The following FOXP2 variants were observed in gnomAD, a reference collection of about 807,000 sequenced individuals.
FOXP2 encodes the protein forkhead box protein P2.
In FOXP2, 12 loss-of-function variants were observed where a neutral mutation model predicts 115.8. The observed-to-expected ratio is 0.10, with a 90% CI of 0.07 to 0.17. FOXP2 has a LOEUF of 0.17. Ranked by LOEUF, FOXP2 falls within the 10% of genes least tolerant of loss-of-function variation. The pLI is 1.00. For missense variants in FOXP2, 629 were observed against 843.5 expected, an observed-to-expected ratio of 0.75 and a Z score of 3.15; for synonymous variants, 328 against 297.7, an observed-to-expected ratio of 1.10 and a Z score of -1.05.
intron 3 of FOXP2, among the ~76,000 whole-genome samples, chr7:114,614,330 T>G (rs1378112727): frequency 2.6e-5 from 4 of 152,220 alleles, no homozygotes; most frequent in Non-Finnish European, 5.9e-5. Context: ...GTAAAAGAGA[T>G]ATTTTCTACC....
At chr7:114,524,394 G>T (rs1405362359) in intron 2 of FOXP2, among the ~76,000 whole-genome samples, 3 of 152,076 alleles carry the variant, frequency 2.0e-5, no homozygotes, top group African/African-American at 7.2e-5. Flanking sequence ...CTCAGAATTT[G>T]TTTTGTTCTC....
chr7:114,662,739 T>A (rs1489145710), intron 14 of FOXP2, among the ~76,000 whole-genome samples: 1 of 152,120 alleles, frequency 6.6e-6, no homozygotes, highest in Non-Finnish European at 1.5e-5. Flanking sequence ...ATGACCAAGG[T>A]ATACTAGTGT....
intron 1 of FOXP2, among the ~76,000 whole-genome samples, chr7:114,240,915 T>C (rs2129167548): frequency 6.6e-6 from 1 of 152,188 alleles, no homozygotes; most frequent in East Asian, 1.9e-4. Context: ...ATATTTAAGA[T>C]GCTTATAGGT....
intron 9 of FOXP2, chr7:114,653,411 G>C: frequency 5.9e-6 from 1 of 170,674 alleles, no homozygotes; most frequent in Non-Finnish European, 1.3e-5. Flanking sequence ...GCAGAGTTCA[G>C]CGTTTCACAC....
chr7:114,527,367 T>C (rs1422683713), intron 2 of FOXP2, among the ~76,000 whole-genome samples: 2 of 152,098 alleles, frequency 1.3e-5, no homozygotes, highest in Admixed American at 6.6e-5. Context: ...TGTTTAACCT[T>C]TTCCAGAAAT....
At chr7:114,393,455 C>T (rs533330435) in intron 2 of FOXP2, among the ~76,000 whole-genome samples, 40 of 152,190 alleles carry the variant, frequency 2.6e-4, no homozygotes, top group African/African-American at 9.4e-4. Flanking sequence ...AGATGTCTTA[C>T]ACATAATGTC....
intron 1 of FOXP2, among the ~76,000 whole-genome samples, chr7:114,123,426 G>T (rs966698682): frequency 1.3e-5 from 2 of 151,274 alleles, no homozygotes; most frequent in Non-Finnish European, 2.9e-5. Flanking sequence ...GCCACTTTTT[G>T]TGTGGTCAAC....
intron 1 of FOXP2, chr7:114,163,180 G>C (rs1191781369): frequency 6.6e-6 from 1 of 151,376 alleles, no homozygotes; most frequent in Non-Finnish European, 1.5e-5. Flanking sequence ...ATATTGTTTG[G>C]ATTTTTTCCT....
intron 10 of FOXP2, chr7:114,656,457 A>G: frequency 2.2e-6 from 1 of 449,236 alleles, no homozygotes; most frequent in Non-Finnish European, 4.5e-6. Flanking sequence ...GCAAAGTCAC[A>G]TACAGATGCA....
intron 2 of FOXP2, among the ~76,000 whole-genome samples, chr7:114,323,789 T>G (rs956639774): frequency 2.0e-5 from 3 of 151,992 alleles, no homozygotes; most frequent in African/African-American, 7.2e-5. Flanking sequence ...CTTATACTGT[T>G]GTTATTTTTA....
intron 1 of FOXP2, among the ~76,000 whole-genome samples, chr7:114,186,360 C>T (rs892831729): frequency 1.3e-5 from 2 of 152,064 alleles, no homozygotes; most frequent in African/African-American, 4.8e-5. Flanking sequence ...TAATATTTCT[C>T]CCTATTTCAA....
intron 2 of FOXP2, among the ~76,000 whole-genome samples, chr7:114,516,454 A>T (rs1798348679): frequency 6.6e-6 from 1 of 152,060 alleles, no homozygotes; most frequent in Non-Finnish European, 1.5e-5. Context: ...AACCATAAAA[A>T]CCCTAGAAGA....
chr7:114,237,172 ATATT>A (rs1795030844), intron 1 of FOXP2, among the ~76,000 whole-genome samples: 2 of 152,200 alleles, frequency 1.3e-5, no homozygotes, highest in African/African-American at 4.8e-5. Context: ...AAATAAATGA[ATATT>A]TATGCCCTGA....
At chr7:114,508,020 C>G (rs1463187238) in intron 2 of FOXP2, among the ~76,000 whole-genome samples, 1 of 151,958 alleles carries the variant, frequency 6.6e-6, no homozygotes, top group Non-Finnish European at 1.5e-5. Context: ...ATGTCAGAAA[C>G]TGTCCTAGGT....
At chr7:114,601,569 A>T (rs1803026382) in intron 3 of FOXP2, among the ~76,000 whole-genome samples, 1 of 152,056 alleles carries the variant, frequency 6.6e-6, no homozygotes, top group African/African-American at 2.4e-5. Context: ...ATTAAGGTAG[A>T]TTCAGATGAT....
intron 2 of FOXP2, among the ~76,000 whole-genome samples, chr7:114,316,284 A>T (rs954460951): frequency 6.6e-6 from 1 of 152,234 alleles, no homozygotes; most frequent in Non-Finnish European, 1.5e-5. Context: ...GCATACATGT[A>T]TAATTATCGA....
intron 1 of FOXP2, among the ~76,000 whole-genome samples, chr7:114,117,188 G>A (rs922066377): frequency 1.3e-5 from 2 of 151,116 alleles, no homozygotes; most frequent in Admixed American, 6.6e-5. Context: ...GAATGCTTTA[G>A]GAATATTTAG....
rs1808613426 is a variant in FOXP2 at position 114,690,554 on chromosome 7, C to G, written c.*628C>G. The G allele has an allele frequency of 4.4e-6, 2 of 454,050 alleles. No individual in the cohort carries two copies. The highest frequency in any genetic ancestry group is 8.8e-6 in the Non-Finnish European group (2 of 226,764). 28.1% of individuals were successfully genotyped at this position (454,050 alleles called of 1,614,324 possible). ...ACAAAACACAGTAATTAGACTGTTG[C>G]AACCATCTAAAACCTTAGGCTTCCA... On this transcript the variant is annotated 3_prime_UTR_variant, in exon 17 of 17. Transcript: ENST00000350908.
At chr7:114,538,417 A>G (rs771626382) in intron 3 of FOXP2, 47 of 1,235,242 alleles carry the variant, frequency 3.8e-5, no homozygotes, top group Non-Finnish European at 4.3e-5. Context: ...TTAGATGAAT[A>G]TTAGTTTTTA....
Sources: gnomAD v4.1 joint callset for allele counts (sites outside exome capture counted in the v4.1 genomes callset) on GRCh38, gnomAD v4.1.1 for gene constraint, MANE v1.5 for transcripts, NCBI Gene and HGNC (gene_info 2026-07-23, HGNC 2026-07-21) for gene names.